Variants in SBF2 observed in about 807,000 individuals in gnomAD.
SBF2 encodes SET binding factor 2, also known as myotubularin-related protein 13.
In SBF2, 112 loss-of-function variants were observed where a neutral mutation model predicts 225.2. The ratio of observed to expected loss-of-function variants is 0.50; its 90% CI spans 0.43 to 0.58. The LOEUF is 0.58. Among genes scored for constraint, SBF2 ranks in the 20% least tolerant of loss-of-function variants. The pLI, the probability that SBF2 is intolerant of heterozygous loss-of-function variation, is 0.00. For synonymous variants in SBF2, 763 were observed against 773.3 expected (o/e 0.99, Z 0.22); for missense variants, 1,996 against 2,206.2 (o/e 0.90, Z 1.91).
At chr11:9,867,423 G>A (rs1858322106) in intron 17 of SBF2, among the ~76,000 whole-genome samples, 1 of 152,128 alleles carries the variant, frequency 6.6e-6, no homozygotes, top group African/African-American at 2.4e-5. Flanking sequence ...AATGGAGAAT[G>A]CTTGTACACT....
At chr11:10,205,414 G>A (rs574531491) in intron 1 of SBF2, among the ~76,000 whole-genome samples, 42 of 151,996 alleles carry the variant, frequency 2.8e-4, no homozygotes, top group African/African-American at 9.9e-4. Flanking sequence ...GGCAACCAAA[G>A]GAGAACTCTG....
intron 13 of SBF2, among the ~76,000 whole-genome samples, chr11:9,973,168 T>C (rs964160766): frequency 6.6e-6 from 1 of 152,156 alleles, no homozygotes; most frequent in Non-Finnish European, 1.5e-5. Context: ...ACAATAGCAA[T>C]GAGAGGAAGT....
At chr11:10,227,722 T>A (rs1262142043) in intron 1 of SBF2, among the ~76,000 whole-genome samples, 1 of 152,364 alleles carries the variant, frequency 6.6e-6, no homozygotes, top group Non-Finnish European at 1.5e-5. Flanking sequence ...TTGGTTACTG[T>A]AGCCTTGTAT....
intron 1 of SBF2, among the ~76,000 whole-genome samples, chr11:10,250,888 C>G (rs1001063146): frequency 6.6e-6 from 1 of 152,122 alleles, no homozygotes; most frequent in Non-Finnish European, 1.5e-5. Flanking sequence ...CCACTGGAAC[C>G]CTTAAGGTAA....
intron 17 of SBF2, among the ~76,000 whole-genome samples, chr11:9,869,309 C>T (rs1234742074): frequency 6.6e-6 from 1 of 152,048 alleles, no homozygotes; most frequent in East Asian, 1.9e-4. Flanking sequence ...CATAAGAGTT[C>T]CCTGAAAATT....
chr11:10,122,737 C>A (rs1210709198), intron 2 of SBF2, among the ~76,000 whole-genome samples: 2 of 152,186 alleles, frequency 1.3e-5, no homozygotes, highest in East Asian at 3.8e-4. Flanking sequence ...TGCATTTACA[C>A]TGGGGGTGAA....
At chr11:10,080,431 C>T (rs1292827012) in intron 2 of SBF2, among the ~76,000 whole-genome samples, 2 of 151,600 alleles carry the variant, frequency 1.3e-5, no homozygotes, top group African/African-American at 2.4e-5. Flanking sequence ...ACTCTCCATC[C>T]TAACAAAACA....
chr11:10,224,514 C>T (rs1958463589), intron 1 of SBF2, among the ~76,000 whole-genome samples: 1 of 152,162 alleles, frequency 6.6e-6, no homozygotes, highest in East Asian at 1.9e-4. Flanking sequence ...CCTACCTCCA[C>T]AACGTCATTC....
Position 9,800,835 on chromosome 11 carries a change from C to T in SBF2, c.4444-4878G>A, listed in dbSNP as rs189333153. Among the ~76,000 whole-genome samples, 50 of 152,298 alleles carry T rather than the reference C, an allele frequency of 3.3e-4. No individual in the cohort carries two copies. The East Asian group carries it at 6.9e-3, about 21-fold the overall frequency. ...TGCTGGGATTATAGGCTTCAGCCAC[C>T]ATACCCAGGATCAGCCTTGTAATAT... On this transcript the variant is annotated intron_variant, in intron 32 of 39. Coordinates refer to ENST00000256190, the MANE Select transcript of SBF2 (RefSeq NM_030962.4).
Position 10,226,547 on chromosome 11 carries a change from T to A in SBF2, c.56-32560A>T, listed in dbSNP as rs1056904364. ...TTCTGTGTCCATGTGTTCTCATTGT[T>A]CAATTCCCACCTATGAGTGAGAACA... is the stretch of plus-strand genomic sequence containing the variant. On this transcript the variant is annotated intron_variant, in intron 1 of 39. Coordinates refer to ENST00000256190, the MANE Select transcript of SBF2 (RefSeq NM_030962.4). 2.6e-5 allele frequency among the ~76,000 whole-genome samples: 4 copies of A among 151,532 alleles called. No individual in the cohort carries two copies. In the East Asian group the frequency reaches 7.8e-4, roughly 30 times the overall value.
chr11:9,784,582 T>C (rs1055232512), intron 37 of SBF2, 144 bp from the exon 38 acceptor site: 11 of 696,180 alleles, frequency 1.6e-5, no homozygotes, highest in Non-Finnish European at 2.8e-5. Context: ...CCCTGGATTT[T>C]TTCTGCTAGA....
intron 2 of SBF2, among the ~76,000 whole-genome samples, chr11:10,136,831 C>G (rs1463413739): frequency 6.6e-6 from 1 of 152,204 alleles, no homozygotes; most frequent in Non-Finnish European, 1.5e-5. Context: ...CTTTTATTAT[C>G]TTTCTGCCAA....
chr11:10,277,078 T>C (rs77720617), intron 1 of SBF2, among the ~76,000 whole-genome samples: 2,487 of 124,518 alleles, frequency 0.02, 25 homozygotes, highest in Middle Eastern at 0.082. Flanking sequence ...CAAAAAACTT[T>C]AAAAAGATAG....
At chr11:10,061,556 C>T (rs768960710) in intron 2 of SBF2, among the ~76,000 whole-genome samples, 12 of 151,958 alleles carry the variant, frequency 7.9e-5, no homozygotes, top group East Asian at 1.9e-4. Flanking sequence ...ACAACGAAAC[C>T]GAGAGCCAAA....
intron 2 of SBF2, among the ~76,000 whole-genome samples, chr11:10,141,186 T>C (rs1954623732): frequency 1.3e-5 from 2 of 152,184 alleles, no homozygotes; most frequent in Admixed American, 1.3e-4. Context: ...TCATGTTTTG[T>C]ATTCAGAAAA....
chr11:9,978,451 T>C (rs1315792726), intron 13 of SBF2, among the ~76,000 whole-genome samples: 1 of 152,126 alleles, frequency 6.6e-6, no homozygotes, highest in Non-Finnish European at 1.5e-5. Flanking sequence ...ATAGAATTTA[T>C]TAAATTAAAT....
In SBF2 at chr11:10,231,527, GTCAGGACCCTCAGCT is replaced by G. The variant is rs1262950596; in HGVS notation, c.56-37555_56-37541del. ...CTGTTTGTTACTTTTCCTTCTAACAGTCAGGACCCTCAGCTTCAGGTCTGTTGGAGTTTGCTGGAG... is the reference window on the plus strand; with the variant it reads ...CTGTTTGTTACTTTTCCTTCTAACAGTCAGGTCTGTTGGAGTTTGCTGGAG... On this transcript the variant is annotated intron_variant, in intron 1 of 39. Coordinates refer to ENST00000256190, the MANE Select transcript of SBF2 (RefSeq NM_030962.4). 5.3e-5 allele frequency among the ~76,000 whole-genome samples: 8 copies of G among 152,270 alleles called. No homozygotes were observed. The East Asian group carries it at 5.8e-4, about 11-fold the overall frequency.
intron 2 of SBF2, among the ~76,000 whole-genome samples, chr11:10,180,554 CT>C (rs1956698347): frequency 6.6e-6 from 1 of 152,052 alleles, no homozygotes; most frequent in South Asian, 2.1e-4. Flanking sequence ...ATATATTCTT[CT>C]TTGGATTAAA....
At chr11:9,923,028 G>A (rs1027613372) in intron 16 of SBF2, among the ~76,000 whole-genome samples, 1 of 152,034 alleles carries the variant, frequency 6.6e-6, no homozygotes, top group African/African-American at 2.4e-5. Flanking sequence ...CACAGTGCTC[G>A]CCAGCTTGAA....
Sources: gnomAD v4.1 joint callset for allele counts (sites outside exome capture counted in the v4.1 genomes callset) on GRCh38, gnomAD v4.1.1 for gene constraint, MANE v1.5 for transcripts, NCBI Gene and HGNC (gene_info 2026-07-23, HGNC 2026-07-21) for gene names.